GPSM1: variants seen among roughly 807,000 people sequenced by gnomAD.
The protein encoded by GPSM1 is G protein-signaling modulator 1.
A neutral mutation model predicts 70.5 loss-of-function variants in GPSM1; 48 were observed. That is an observed-to-expected ratio of 0.68 (90% CI 0.54 to 0.87). The LOEUF is 0.87. Among genes scored for constraint, GPSM1 ranks in the 40% least tolerant of loss-of-function variants. GPSM1 has a pLI of 0.00. For synonymous variants in GPSM1, 416 were observed against 430.1 expected (o/e 0.97, Z 0.41); for missense variants, 981 against 972.6 (o/e 1.01, Z -0.11).
At chr9:136,354,481 CTT>C (rs1311652542) in intron 11 of GPSM1, among the ~76,000 whole-genome samples, 1 of 152,252 alleles carries the variant, frequency 6.6e-6, no homozygotes, top group Admixed American at 6.5e-5. Flanking sequence ...CATTGCGTCT[CTT>C]GTTAACTCGT....
chr9:136,353,835 C>T (rs536994231), intron 11 of GPSM1, among the ~76,000 whole-genome samples: 24 of 152,292 alleles, frequency 1.6e-4, no homozygotes, highest in South Asian at 1.0e-3. Context: ...GAGGCCACAT[C>T]CTCCTGGGGA....
Position 136,341,274 on chromosome 9 carries a change from C to G in GPSM1, c.1207+281C>G, listed in dbSNP as rs907976422. 24 of 1,476,280 alleles carry G rather than the reference C, an allele frequency of 1.6e-5. No individual in the cohort carries two copies. The East Asian group carries it at 3.7e-4, about 23-fold the overall frequency. The allele number at this position is 1,476,280 out of a possible 1,614,324, so 91.4% of individuals were successfully genotyped here. On this transcript the variant is annotated intron_variant, in intron 9 of 13. Coordinates refer to ENST00000440944, the MANE Select transcript of GPSM1 (RefSeq NM_001145638.3). The surrounding 1 kb of genome is among the most constrained non-coding windows in gnomAD (Gnocchi z 6.7). ...CTGGCTGCTCCAGGGCCTCCACCCCCACCTCCCCCTGGAGCCCTCGGTGCA... is the reference window on the plus strand; with the variant it reads ...CTGGCTGCTCCAGGGCCTCCACCCCGACCTCCCCCTGGAGCCCTCGGTGCA...
In GPSM1 at chr9:136,342,519, C is replaced by T. The variant is rs972219375; in HGVS notation, c.1207+1526C>T. Among the ~76,000 whole-genome samples, 2 of 152,058 alleles carry T rather than the reference C, an allele frequency of 1.3e-5. No individual in the cohort carries two copies. The highest frequency in any genetic ancestry group is 6.5e-5 in the Admixed American group (1 of 15,282). ...AGGGCTGGGGAAGGGTCCTCCTCCC[C>T]GCCCAGGGCAGCCCGGCAGCCTGGC... On this transcript the variant is annotated intron_variant, in intron 9 of 13. Transcript: ENST00000440944. This position sits in a 1 kb window ranked among gnomAD's most constrained non-coding sequence, Gnocchi z 5.5.
chr9:136,354,929 G>A, intron 11 of GPSM1: 1 of 1,028,502 alleles, frequency 9.7e-7, no homozygotes, highest in Non-Finnish European at 1.2e-6. Context: ...CCAAGGCTGG[G>A]GAGGCTGGCC....
chr9:136,334,428 G>T lies in GPSM1; in HGVS notation c.69-19G>T. The T allele has an allele frequency of 1.3e-6, 2 of 1,599,264 alleles. No homozygotes were observed. Among genetic ancestry groups the T allele is most frequent in the Non-Finnish European group, 1.7e-6 (2 of 1,171,082 alleles). ...GACTTTGCCAGGGCTGGGCCATGAC[G>T]CCAAGTTCCTCTGCACAGGATGGAG... On this transcript the variant is annotated intron_variant, in intron 1 of 13. Transcript: ENST00000440944.
intron 11 of GPSM1, among the ~76,000 whole-genome samples, chr9:136,351,945 T>C (rs542399682): frequency 1.6e-3 from 200 of 122,238 alleles, no homozygotes; most frequent in Non-Finnish European, 2.8e-3. Flanking sequence ...GATACATCCC[T>C]GGGGCGTCAG....
At position 136,342,479 on chromosome 9, in the gene GPSM1, G is replaced by A. The variant is rs1832415579; in HGVS notation, c.1207+1486G>A. On this transcript the variant is annotated intron_variant, in intron 9 of 13. Coordinates refer to ENST00000440944, the MANE Select transcript of GPSM1 (RefSeq NM_001145638.3). The surrounding 1 kb of genome is among the most constrained non-coding windows in gnomAD (Gnocchi z 5.5). ...GTGCGGGACCCCTTCCAGCCGGCCG[G>A]ACGCCTCCTCCCCCAGGGCTGGGGA... 6.6e-6 allele frequency among the ~76,000 whole-genome samples: 1 copy of A among 152,120 alleles called. No homozygotes were observed. Among genetic ancestry groups the A allele is most frequent in the Admixed American group, 6.5e-5 (1 of 15,286 alleles).
Position 136,355,951 on chromosome 9 carries a change from A to T in GPSM1, c.1612+105A>T, listed in dbSNP as rs1047767896. 8.5e-6 allele frequency: 8 copies of T among 946,564 alleles called. No homozygotes were observed. The Admixed American group carries it at 1.6e-4, about 19-fold the overall frequency. 58.6% of individuals were successfully genotyped at this position (946,564 alleles called of 1,614,324 possible). A position where few individuals can be genotyped will look rare whatever the true frequency, so the allele number is the denominator to read the frequency against. On this transcript the variant is annotated intron_variant, in intron 12 of 13. Transcript: ENST00000440944. The stretch of plus-strand genomic sequence containing the variant: ...GAGGAGTTTTCGGGGGCAGACCAGC[A>T]GGCCAGCTGCAGAGCACCCTGTCAC...
chr9:136,354,370 C>A (rs1832753728), intron 11 of GPSM1, among the ~76,000 whole-genome samples: 1 of 152,168 alleles, frequency 6.6e-6, no homozygotes, highest in African/African-American at 2.4e-5. Flanking sequence ...GTCGGGAATT[C>A]CAGTTGTCTG....
intron 13 of GPSM1, 77 bp downstream of exon 13, chr9:136,356,627 G>A (rs1832837042): frequency 1.9e-6 from 2 of 1,046,096 alleles, no homozygotes. Context: ...TGTGTCCTGA[G>A]GGGTGAGGTG....
In GPSM1 at chr9:136,342,201, G is replaced by A. The variant is rs782159625; in HGVS notation, c.1207+1208G>A. On this transcript the variant is annotated intron_variant, in intron 9 of 13. Coordinates refer to ENST00000440944, the MANE Select transcript of GPSM1 (RefSeq NM_001145638.3). This position sits in a 1 kb window ranked among gnomAD's most constrained non-coding sequence, Gnocchi z 5.5. ...CATGGCCGGGGTTTCCTAAGGGTGG[G>A]GAGCTCTGCCGAGAGCTCCTGCGGC... Among the ~76,000 whole-genome samples the A allele has an allele frequency of 3.9e-5, 6 of 152,120 alleles. No homozygotes were observed. The highest frequency in any genetic ancestry group is 6.5e-5 in the Admixed American group (1 of 15,276).
chr9:136,350,382 G>A (rs1055866461), intron 11 of GPSM1, among the ~76,000 whole-genome samples: 5 of 152,316 alleles, frequency 3.3e-5, no homozygotes, highest in African/African-American at 4.8e-5. Context: ...GACACCTGGC[G>A]GGGGTCCCTG....
chr9:136,346,886 T>G (rs1174504451), intron 9 of GPSM1, among the ~76,000 whole-genome samples: 2 of 152,148 alleles, frequency 1.3e-5, no homozygotes, highest in Non-Finnish European at 2.9e-5. Context: ...GCCGGCTCTC[T>G]CCCTCTGTGG....
At chr9:136,352,428 G>A (rs1166056866) in intron 11 of GPSM1, among the ~76,000 whole-genome samples, 1 of 152,264 alleles carries the variant, frequency 6.6e-6, no homozygotes, top group Non-Finnish European at 1.5e-5. Flanking sequence ...CTGAGGCGGT[G>A]TGGCTGGGTG....
At chr9:136,347,599 G>C (rs1832553611) in intron 9 of GPSM1, among the ~76,000 whole-genome samples, 1 of 152,226 alleles carries the variant, frequency 6.6e-6, no homozygotes, top group Non-Finnish European at 1.5e-5. Flanking sequence ...CACAGTGGCT[G>C]TGCCCCTGTC....
At chr9:136,346,541 T>C (rs1464569073) in intron 9 of GPSM1, among the ~76,000 whole-genome samples, 1 of 152,204 alleles carries the variant, frequency 6.6e-6, no homozygotes, top group Non-Finnish European at 1.5e-5. Context: ...TCCTCATCAC[T>C]GCCATTCACT....
intron 1 of GPSM1, among the ~76,000 whole-genome samples, chr9:136,333,849 C>G (rs868923222): frequency 3.3e-5 from 5 of 152,140 alleles, no homozygotes; most frequent in African/African-American, 1.2e-4. Flanking sequence ...ACCTCCGCAG[C>G]ACTGGTCTCC....
chr9:136,350,605 G>A (rs1554771920), intron 11 of GPSM1, among the ~76,000 whole-genome samples: 1 of 152,156 alleles, frequency 6.6e-6, no homozygotes, highest in Non-Finnish European at 1.5e-5. Flanking sequence ...CAGAGCCCCT[G>A]GTGAGGGGAC....
In GPSM1 at chr9:136,356,355, G is replaced by A. The variant is rs782671901; in HGVS notation, c.1626G>A (p.Met542Ile). ...GGCCCCCCGCAGCCCAGCCCTCGATGACGGCCTCGCCCCAGACCGAGGAAT... is the reference window on the plus strand; with the variant it reads ...GGCCCCCCGCAGCCCAGCCCTCGATAACGGCCTCGCCCCAGACCGAGGAAT... ...TLEDRIAQPS[M>I]TASPQTEEFF... Residue 542 changes from methionine to isoleucine, a missense_variant, in exon 13 of 14, where the codon ATG becomes ATA. Transcript: ENST00000440944. 2.3e-5 allele frequency: 36 copies of A among 1,591,448 alleles called. 1 individual carries two copies. The highest frequency in any genetic ancestry group is 2.2e-5 in the South Asian group (2 of 89,554).
Sources: allele counts gnomAD v4.1 joint callset (sites outside exome capture counted in the v4.1 genomes callset), GRCh38; gene constraint gnomAD v4.1.1; non-coding constraint Gnocchi (gnomAD v3.1); transcripts MANE v1.5; gene names NCBI Gene and HGNC (gene_info 2026-07-23, HGNC 2026-07-21).